The following WWC1 variants were observed in gnomAD, a reference collection of about 807,000 sequenced individuals.
WWC1 encodes the protein WW and C2 domain containing 1.
In WWC1, 55 loss-of-function variants were observed where a neutral mutation model predicts 138.4. That is an observed-to-expected ratio of 0.40 (90% CI 0.32 to 0.50). The LOEUF (loss-of-function observed/expected upper bound fraction) is 0.50, where lower values mean the gene tolerates loss of function less well. WWC1 is among the 20% of genes least tolerant of loss of function. The probability of loss-of-function intolerance (pLI) is 0.72; values close to 1 mark genes in which losing one functional copy is unlikely to be tolerated. For missense variants in WWC1, 1,226 were observed against 1,420.4 expected, an observed-to-expected ratio of 0.86 and a Z score of 2.20; for synonymous variants, 524 against 564.9, an observed-to-expected ratio of 0.93 and a Z score of 1.03.
intron 17 of WWC1, among the ~76,000 whole-genome samples, chr5:168,451,190 T>A (rs1443947982): frequency 6.6e-6 from 1 of 152,088 alleles, no homozygotes; most frequent in Non-Finnish European, 1.5e-5. Context: ...GGCTAATTTT[T>A]GTATTTTTAG....
At chr5:168,430,288 CT>C in intron 14 of WWC1, 65 bp downstream of exon 14, 2 of 1,357,150 alleles carry the variant, frequency 1.5e-6, no homozygotes, top group Non-Finnish European at 2.1e-6. Context: ...CTGGGGGTCA[CT>C]TTTCTGCCCT....
At chr5:168,323,699 G>C (rs1772311358) in intron 1 of WWC1, among the ~76,000 whole-genome samples, 1 of 152,108 alleles carries the variant, frequency 6.6e-6, no homozygotes, top group African/African-American at 2.4e-5. Context: ...AGAGAGATTG[G>C]AAAAGAAAAT....
chr5:168,304,753 C>T (rs551159744), intron 1 of WWC1, among the ~76,000 whole-genome samples: 5 of 152,086 alleles, frequency 3.3e-5, no homozygotes, highest in Middle Eastern at 3.4e-3. Context: ...GAATGGCAGA[C>T]GCTGGCCAGG....
chr5:168,356,953 A>G (rs1207341192), intron 1 of WWC1, among the ~76,000 whole-genome samples: 3 of 152,132 alleles, frequency 2.0e-5, no homozygotes, highest in Non-Finnish European at 2.9e-5. Flanking sequence ...AGTTGTGGGA[A>G]GTCTCTGAGT....
intron 20 of WWC1, among the ~76,000 whole-genome samples, chr5:168,463,192 A>G (rs1756972851): frequency 6.6e-6 from 1 of 152,194 alleles, no homozygotes; most frequent in Non-Finnish European, 1.5e-5. Context: ...GCTGGTCAGG[A>G]GCTTAAGCAC....
intron 4 of WWC1, among the ~76,000 whole-genome samples, chr5:168,398,486 C>T (rs1582155418): frequency 6.6e-6 from 1 of 152,164 alleles, no homozygotes; most frequent in East Asian, 1.9e-4. Flanking sequence ...AGTCTTACTC[C>T]AAAGTTTCTA....
In WWC1 at chr5:168,292,803, A is replaced by G. The variant is rs1313699330; in HGVS notation, c.119+532A>G. 6.6e-6 allele frequency among the ~76,000 whole-genome samples: 1 copy of G among 152,020 alleles called. No individual in the cohort carries two copies. The highest frequency in any genetic ancestry group is 1.9e-4 in the East Asian group (1 of 5,150). On this transcript the variant is annotated intron_variant, in intron 1 of 22. Transcript: ENST00000265293. The surrounding 1 kb of genome is among the most constrained non-coding windows in gnomAD (Gnocchi z 4.4). Reference sequence around the variant, plus strand: ...GGCAACCTGAGGTGTGCTTTTTGACAGGTGCCTTGGAAGCTGCTGAGAACA... The same window carrying G: ...GGCAACCTGAGGTGTGCTTTTTGACGGGTGCCTTGGAAGCTGCTGAGAACA...
At chr5:168,319,142 G>A (rs993772966) in intron 1 of WWC1, among the ~76,000 whole-genome samples, 6 of 152,140 alleles carry the variant, frequency 3.9e-5, no homozygotes, top group Non-Finnish European at 8.8e-5. Flanking sequence ...TGTGTTAGCC[G>A]GGCGTGGTGG....
intron 1 of WWC1, among the ~76,000 whole-genome samples, chr5:168,310,770 C>T (rs922415911): frequency 9.3e-5 from 14 of 150,514 alleles, no homozygotes; most frequent in Middle Eastern, 7.0e-3. Flanking sequence ...CCCAGGGGGT[C>T]GAGGTTGCCG....
chr5:168,462,541 A>G (rs1756909700), intron 20 of WWC1, among the ~76,000 whole-genome samples: 1 of 152,192 alleles, frequency 6.6e-6, no homozygotes, highest in Non-Finnish European at 1.5e-5. Flanking sequence ...TCTGGAGCAG[A>G]TGTTCATGGT....
intron 1 of WWC1, among the ~76,000 whole-genome samples, chr5:168,329,152 C>G (rs528288643): frequency 2.0e-5 from 3 of 152,314 alleles, no homozygotes; most frequent in African/African-American, 7.2e-5. Context: ...AAAGTCCTAT[C>G]GGAGAGCTTC....
intron 10 of WWC1, 98 bp downstream of exon 10, chr5:168,422,195 G>A (rs980346830): frequency 2.2e-5 from 27 of 1,244,644 alleles, no homozygotes; most frequent in African/African-American, 1.3e-4. Context: ...CTTGTCCTCC[G>A]TGGCTTGAGA....
chr5:168,431,253 A>C lies in WWC1; in HGVS notation c.2089A>C (p.Asn697His). 3 of 1,611,716 alleles carry C rather than the reference A, an allele frequency of 1.9e-6. No homozygotes were observed. Among genetic ancestry groups the C allele is most frequent in the Non-Finnish European group, 2.5e-6 (3 of 1,178,872 alleles). ...TCCTGCGGTTCTGTCTCCCTCTAGG[A>C]ATATCCGCGTGGCTGTCCTTCCTTG... ...ALLQQQDQKV[N>H]IRVAVLPCSE... is the part of the protein sequence containing the mutation. Residue 697 changes from asparagine to histidine, a missense_variant and splice_region_variant, in exon 15 of 23, where the codon AAT (asparagine) becomes CAT (histidine). Physicochemically the swap from Asn to His is moderately conservative, Grantham distance 68. This residue lies in a region of WWC1 where 1,016 missense variants were observed against 1,153.9 expected (regional missense o/e 0.88). Transcript: ENST00000265293.
rs1034463005 is a variant in WWC1 at position 168,399,470 on chromosome 5, T to C, written c.511-18T>C. ...TCAGCCTCTGACCCAGCCCTGTGTG[T>C]GGTCTGCTGCCCTCCAGGTCAACAA... On this transcript the variant is annotated intron_variant, in intron 4 of 22. Coordinates refer to ENST00000265293, the MANE Select transcript of WWC1 (RefSeq NM_015238.3). 3.7e-6 allele frequency: 6 copies of C among 1,613,858 alleles called. No homozygotes were observed. In the African/African-American group the frequency reaches 6.7e-5, roughly 18 times the overall value.
intron 14 of WWC1, among the ~76,000 whole-genome samples, chr5:168,430,826 A>T (rs889843782): frequency 5.3e-5 from 8 of 152,242 alleles, no homozygotes; most frequent in African/African-American, 1.9e-4. Context: ...ACAGAAGCTT[A>T]TGTGTCTGTG....
intron 1 of WWC1, among the ~76,000 whole-genome samples, chr5:168,339,897 C>T (rs1409129280): frequency 1.1e-5 from 1 of 95,084 alleles, no homozygotes; most frequent in Non-Finnish European, 2.3e-5. Flanking sequence ...CTCTCTCTGT[C>T]TCTCTCTCTT....
In WWC1 at chr5:168,405,367, G is replaced by A. The variant is rs142214856; in HGVS notation, c.591-831G>A. 7.7e-3 allele frequency among the ~76,000 whole-genome samples: 1,177 copies of A among 152,260 alleles called. 15 individuals carry two copies. The highest frequency in any genetic ancestry group is 0.011 in the Non-Finnish European group (755 of 68,020). On this transcript the variant is annotated intron_variant, in intron 5 of 22. Coordinates refer to ENST00000265293, the MANE Select transcript of WWC1 (RefSeq NM_015238.3). ...ACCAGCATCTTGTGGGGTGAGGCCA[G>A]GTATACTGCTAAATATCATACAATG...
chr5:168,396,945 A>G (rs1195229753), intron 3 of WWC1, among the ~76,000 whole-genome samples: 1 of 149,920 alleles, frequency 6.7e-6, no homozygotes, highest in Non-Finnish European at 1.5e-5. Flanking sequence ...AAGTACAATC[A>G]ACAATACTTT....
At chr5:168,305,997 A>G (rs1770526306) in intron 1 of WWC1, among the ~76,000 whole-genome samples, 1 of 152,250 alleles carries the variant, frequency 6.6e-6, no homozygotes, top group Admixed American at 6.5e-5. Context: ...GACAAGTGCC[A>G]TAGGAATATG....
Sources: gnomAD v4.1 joint callset for allele counts (sites outside exome capture counted in the v4.1 genomes callset) on GRCh38, gnomAD v4.1.1 for gene constraint, gnomAD v4.1.1 regional missense constraint, Gnocchi (gnomAD v3.1) non-coding constraint, MANE v1.5 for transcripts, NCBI Gene and HGNC (gene_info 2026-07-23, HGNC 2026-07-21) for gene names.